The following OSBPL10 variants were observed in gnomAD, a reference collection of about 807,000 sequenced individuals.
The protein encoded by OSBPL10 is oxysterol-binding protein-related protein 10.
In OSBPL10, 49 loss-of-function variants were observed where a neutral mutation model predicts 81.7. The observed-to-expected ratio is 0.60, with a 90% confidence interval of 0.48 to 0.76. The LOEUF (loss-of-function observed/expected upper bound fraction) is 0.76, where lower values mean the gene tolerates loss of function less well. Among genes scored for constraint, OSBPL10 ranks in the 30% least tolerant of loss-of-function variants. The probability of loss-of-function intolerance (pLI) is 0.00; values close to 1 mark genes in which losing one functional copy is unlikely to be tolerated. For synonymous variants in OSBPL10, 419 were observed against 383.6 expected (o/e 1.09, Z -1.08); for missense variants, 923 against 987.8 (o/e 0.93, Z 0.88).
intron 4 of OSBPL10, among the ~76,000 whole-genome samples, chr3:31,762,894 C>T (rs186372285): frequency 8.5e-5 from 13 of 152,162 alleles, no homozygotes; most frequent in Non-Finnish European, 7.4e-5. Flanking sequence ...CTCCTCACCT[C>T]ATGACCAGGA....
At chr3:31,679,921 A>AGTT (rs1315047530) in intron 8 of OSBPL10, among the ~76,000 whole-genome samples, 1 of 152,180 alleles carries the variant, frequency 6.6e-6, no homozygotes, top group Admixed American at 6.5e-5. Flanking sequence ...GTCCTTGGCA[A>AGTT]TCTTCTCCCT....
At chr3:31,685,856 T>C (rs1054070532) in intron 7 of OSBPL10, among the ~76,000 whole-genome samples, 1 of 152,214 alleles carries the variant, frequency 6.6e-6, no homozygotes, top group Non-Finnish European at 1.5e-5. Context: ...GAGATGCTGC[T>C]GTGGTCTGAG....
intron 4 of OSBPL10, among the ~76,000 whole-genome samples, chr3:31,805,654 T>A (rs1395200319): frequency 6.6e-6 from 1 of 152,180 alleles, no homozygotes; most frequent in Non-Finnish European, 1.5e-5. Flanking sequence ...CACCTTAAAA[T>A]AGCAAATAAA....
At chr3:31,704,448 C>T (rs550634740) in intron 6 of OSBPL10, among the ~76,000 whole-genome samples, 2 of 152,214 alleles carry the variant, frequency 1.3e-5, no homozygotes, top group African/African-American at 4.8e-5. Context: ...GAGGGTAGTG[C>T]CTGGGCATTC....
intron 1 of OSBPL10, among the ~76,000 whole-genome samples, chr3:31,944,638 C>A (rs1175284203): frequency 6.6e-6 from 1 of 151,098 alleles, no homozygotes; most frequent in Non-Finnish European, 1.5e-5. Context: ...AACTCTAATG[C>A]CTATAATACA....
At chr3:31,789,652 G>C (rs1230337009) in intron 4 of OSBPL10, among the ~76,000 whole-genome samples, 3 of 152,188 alleles carry the variant, frequency 2.0e-5, no homozygotes, top group Non-Finnish European at 2.9e-5. Context: ...CCCAGGCAGG[G>C]GGAGCAGATC....
chr3:31,772,216 C>T (rs1184362841), intron 4 of OSBPL10, among the ~76,000 whole-genome samples: 1 of 152,182 alleles, frequency 6.6e-6, no homozygotes, highest in Non-Finnish European at 1.5e-5. Context: ...ATGCCATTAG[C>T]TTTATACAGG....
At chr3:31,989,234 T>G in intron 2 of OSBPL10, 1 of 1,614,196 alleles carries the variant, frequency 6.2e-7, no homozygotes, top group Non-Finnish European at 8.5e-7. Flanking sequence ...TACAGGGCCA[T>G]GATGTTGGAG....
intron 1 of OSBPL10, among the ~76,000 whole-genome samples, chr3:31,884,390 G>A (rs1695674138): frequency 6.6e-6 from 1 of 152,254 alleles, no homozygotes; most frequent in South Asian, 2.1e-4. Flanking sequence ...GGAAGGGACT[G>A]ATGGGACACT....
At chr3:32,022,191 C>T (rs1575087121) in intron 2 of OSBPL10, among the ~76,000 whole-genome samples, 1 of 152,082 alleles carries the variant, frequency 6.6e-6, no homozygotes, top group Non-Finnish European at 1.5e-5. Flanking sequence ...TGTCCCAGCA[C>T]CATTTTGTTA....
chr3:31,771,322 G>T (rs987732582), intron 4 of OSBPL10, among the ~76,000 whole-genome samples: 1 of 152,126 alleles, frequency 6.6e-6, no homozygotes, highest in Non-Finnish European at 1.5e-5. Flanking sequence ...GAACAGGCAG[G>T]CCTCCATGAC....
In OSBPL10 at chr3:31,853,382, G is replaced by A. The variant is rs141935507; in HGVS notation, c.537+23051C>T. Among the ~76,000 whole-genome samples, 85 of 152,212 alleles carry A rather than the reference G, an allele frequency of 5.6e-4. 2 individuals are homozygous for A. Among genetic ancestry groups the A allele is most frequent in the African/African-American group, 2.0e-3 (81 of 41,528 alleles). ...GGTCAGCATCAAGGGGTCTGTGAAG[G>A]GCTGGAAAAGCAGCTAAGAATACAA... is the stretch of plus-strand genomic sequence containing the variant. On this transcript the variant is annotated intron_variant, in intron 3 of 11. Coordinates refer to ENST00000396556, the MANE Select transcript of OSBPL10 (RefSeq NM_017784.5).
At chr3:31,668,241 C>A (rs897575234) in intron 10 of OSBPL10, among the ~76,000 whole-genome samples, 2 of 152,158 alleles carry the variant, frequency 1.3e-5, no homozygotes, top group South Asian at 4.1e-4. Flanking sequence ...TTTTACTACA[C>A]CTTTCCCAGC....
chr3:32,002,860 G>A (rs571958064), intron 2 of OSBPL10, among the ~76,000 whole-genome samples: 1 of 140,008 alleles, frequency 7.1e-6, no homozygotes, highest in East Asian at 1.9e-4. Flanking sequence ...GAATGGCCAG[G>A]CAGATTTTAA....
chr3:31,663,669 A>C, intron 11 of OSBPL10: 1 of 1,077,858 alleles, frequency 9.3e-7, no homozygotes, highest in Non-Finnish European at 1.1e-6. Flanking sequence ...TGAGGGCTCC[A>C]GCCCACCCAG....
intron 1 of OSBPL10, among the ~76,000 whole-genome samples, chr3:31,926,249 A>C (rs1173151090): frequency 6.7e-6 from 1 of 149,800 alleles, no homozygotes; most frequent in Non-Finnish European, 1.5e-5. Flanking sequence ...ATCACTCTTT[A>C]TAAAGCATAA....
At position 31,670,936 on chromosome 3, in the gene OSBPL10, G is replaced by A. The variant is rs187350687; in HGVS notation, c.1774C>T (p.Pro592Ser). 10 of 1,614,142 alleles carry A rather than the reference G, an allele frequency of 6.2e-6. No individual in the cohort carries two copies. The Admixed American group carries it at 1.5e-4, about 24-fold the overall frequency. Residue 592 changes from proline (P) to serine (S), a missense_variant, in exon 9 of 12, where the codon CCT (proline) becomes TCT (serine). Around this residue, in one of 3 missense-constraint regions of OSBPL10, gnomAD observed 387 missense variants for 436.3 expected, o/e 0.89. Transcript: ENST00000396556. Reference protein sequence around the residue: ...EHGEEYVFTLPSAYARSILTI... With the variant: ...EHGEEYVFTLSSAYARSILTI... The stretch of plus-strand genomic sequence containing the variant: ...AGAATGGACCGGGCGTAGGCACTAG[G>A]CAGGGTGAATACGTACTCCTCCCCG...
At chr3:31,811,456 G>A (rs1699679122) in intron 4 of OSBPL10, among the ~76,000 whole-genome samples, 1 of 152,188 alleles carries the variant, frequency 6.6e-6, no homozygotes, top group Non-Finnish European at 1.5e-5. Flanking sequence ...TAATTGCCTG[G>A]GGTGGGACCT....
At chr3:31,840,877 A>C (rs1271677579) in intron 3 of OSBPL10, among the ~76,000 whole-genome samples, 1 of 152,188 alleles carries the variant, frequency 6.6e-6, no homozygotes, top group Admixed American at 6.5e-5. Flanking sequence ...TTATGCTAAC[A>C]CTAAGTTAGG....
Sources: gnomAD v4.1 joint callset for allele counts (sites outside exome capture counted in the v4.1 genomes callset) on GRCh38, gnomAD v4.1.1 for gene constraint, gnomAD v4.1.1 regional missense constraint, MANE v1.5 for transcripts, NCBI Gene and HGNC (gene_info 2026-07-23, HGNC 2026-07-21) for gene names.